The following DPYSL3 variants were observed in gnomAD, a reference collection of about 807,000 sequenced individuals.
DPYSL3 encodes dihydropyrimidinase-related protein 3.
In DPYSL3, 16 loss-of-function variants were observed where a neutral mutation model predicts 66.1. That is an observed-to-expected ratio of 0.24 (90% CI 0.16 to 0.37). The LOEUF (loss-of-function observed/expected upper bound fraction) is 0.37. DPYSL3 is among the 10% of genes least tolerant of loss of function. The probability of loss-of-function intolerance (pLI) is 1.00; values close to 1 mark genes in which losing one functional copy is unlikely to be tolerated. For synonymous variants in DPYSL3, 338 were observed against 345.1 expected, an observed-to-expected ratio of 0.98 and a Z score of 0.23; for missense variants, 738 against 916.2, an observed-to-expected ratio of 0.81 and a Z score of 2.51.
chr5:147,489,027 A>AT (rs1294970898), intron 1 of DPYSL3, among the ~76,000 whole-genome samples: 4 of 151,592 alleles, frequency 2.6e-5, no homozygotes, highest in Non-Finnish European at 5.9e-5. Context: ...AAAAAAAAAA[A>AT]GAAAAAGAAA....
chr5:147,480,712 T>C, intron 1 of DPYSL3, among the ~76,000 whole-genome samples: 1 of 145,942 alleles, frequency 6.9e-6, no homozygotes, highest in Admixed American at 6.9e-5. Context: ...TATATTATTA[T>C]TATTATTATT....
At chr5:147,448,111 T>C (rs1178765266) in intron 1 of DPYSL3, among the ~76,000 whole-genome samples, 2 of 152,136 alleles carry the variant, frequency 1.3e-5, no homozygotes, top group Non-Finnish European at 2.9e-5. Context: ...TTGTTGTTCT[T>C]TTCAAATTTA....
intron 8 of DPYSL3, among the ~76,000 whole-genome samples, chr5:147,402,521 G>A (rs1323675856): frequency 2.7e-5 from 4 of 147,808 alleles, no homozygotes; most frequent in Admixed American, 2.6e-4. Flanking sequence ...CTAATTTTTT[G>A]TATTTTTAGT....
chr5:147,391,993 T>G lies in DPYSL3; in HGVS notation c.*2042A>C, dbSNP rs1311909053. 1 of 152,074 alleles carries G rather than the reference T, an allele frequency of 6.6e-6. No individual in the cohort carries two copies. Among genetic ancestry groups the G allele is most frequent in the Non-Finnish European group, 1.5e-5 (1 of 68,032 alleles). 9.4% of individuals were successfully genotyped at this position (152,074 alleles called of 1,614,324 possible). On this transcript the variant is annotated 3_prime_UTR_variant, in exon 14 of 14. Coordinates refer to ENST00000343218, the MANE Select transcript of DPYSL3 (RefSeq NM_001197294.2). ...GGCTGAGTAACAGCAGAGCAGAGAG[T>G]GCAGAAGTGGACGCTCAGAAGCGAG...
chr5:147,470,423 C>T (rs1264024472), intron 1 of DPYSL3, among the ~76,000 whole-genome samples: 1 of 152,136 alleles, frequency 6.6e-6, no homozygotes, highest in African/African-American at 2.4e-5. Flanking sequence ...ACCCGGGTCT[C>T]AGTGCTTGGT....
chr5:147,422,264 T>C (rs973651816), intron 2 of DPYSL3, among the ~76,000 whole-genome samples: 1 of 152,224 alleles, frequency 6.6e-6, no homozygotes, highest in South Asian at 2.1e-4. Flanking sequence ...TCATCATTAC[T>C]GGTCACTAGA....
At chr5:147,401,748 TGG>T (rs1218846241) in intron 8 of DPYSL3, 52 bp from the exon 9 acceptor site, 1 of 1,603,618 alleles carries the variant, frequency 6.2e-7, no homozygotes, top group Non-Finnish European at 8.5e-7. Context: ...TATGCTGCAC[TGG>T]GCCAAGCCTA....
chr5:147,469,225 C>G (rs1166905089), intron 1 of DPYSL3, among the ~76,000 whole-genome samples: 1 of 152,230 alleles, frequency 6.6e-6, no homozygotes, highest in Admixed American at 6.5e-5. Flanking sequence ...AGGGCAATAT[C>G]AATACACCTC....
rs548454587 is a variant in DPYSL3, at chr5:147,391,482, T to G, written c.*2553A>C. On this transcript the variant is annotated 3_prime_UTR_variant, in exon 14 of 14. Coordinates refer to ENST00000343218, the MANE Select transcript of DPYSL3 (RefSeq NM_001197294.2). ...GGAGGTTGGGGGGATGGCAGGGGCATCCTCAGGGTTGGGGGGCAGGCCAAG... is the reference window on the plus strand; with the variant it reads ...GGAGGTTGGGGGGATGGCAGGGGCAGCCTCAGGGTTGGGGGGCAGGCCAAG... The G allele has an allele frequency of 2.0e-5, 3 of 152,514 alleles. No homozygotes were observed. The Admixed American group carries it at 2.0e-4, about 10-fold the overall frequency. 9.4% of individuals were successfully genotyped at this position (152,514 alleles called of 1,614,324 possible).
At chr5:147,472,808 G>C (rs1295415129) in intron 1 of DPYSL3, 2 of 152,018 alleles carry the variant, frequency 1.3e-5, no homozygotes, top group East Asian at 3.8e-4. Flanking sequence ...GCTTACTGGT[G>C]TTTATAACAC....
intron 1 of DPYSL3, among the ~76,000 whole-genome samples, chr5:147,452,438 T>TACACACACACACACAC: frequency 7.0e-6 from 1 of 142,138 alleles, no homozygotes; most frequent in African/African-American, 2.6e-5. Flanking sequence ...ATTCCCCCAC[T>TACACACACACACACAC]ACACACACAC....
intron 10 of DPYSL3, among the ~76,000 whole-genome samples, chr5:147,399,616 G>A (rs999037141): frequency 6.6e-6 from 1 of 152,162 alleles, no homozygotes; most frequent in African/African-American, 2.4e-5. Context: ...ATGTATTTGT[G>A]TTTGCATATG....
Position 147,401,657 on chromosome 5 carries a change from C to T in DPYSL3, c.1193G>A (p.Gly398Asp). The T allele has an allele frequency of 6.2e-7, 1 of 1,614,108 alleles. No individual in the cohort carries two copies. The highest frequency in any genetic ancestry group is 8.5e-7 in the Non-Finnish European group (1 of 1,180,020). The change falls in exon 9 of 14, where the codon GGC (glycine) becomes GAC (aspartate). Residue 398 changes from glycine (G) to aspartate (D), a missense_variant. Physicochemically the swap from Gly to Asp is moderately conservative, Grantham distance 94. Transcript: ENST00000343218. ...GCTCCAATAATGGGTTCCATCTATG[C>T]CGAGGCTGGCAGTGATGGGCTCACC... ...VFGEPITASL[G>D]IDGTHYWSKN...
chr5:147,507,792 G>A (rs1380104587), intron 1 of DPYSL3, among the ~76,000 whole-genome samples: 2 of 152,086 alleles, frequency 1.3e-5, no homozygotes, highest in South Asian at 2.1e-4. Context: ...GGAGGAAAAC[G>A]GGAGAATTGC....
intron 1 of DPYSL3, among the ~76,000 whole-genome samples, chr5:147,432,634 G>A (rs1370037680): frequency 3.3e-5 from 5 of 152,186 alleles, no homozygotes; most frequent in African/African-American, 1.2e-4. Flanking sequence ...CACTGGACAA[G>A]AGGAGCCCTA....
intron 1 of DPYSL3, among the ~76,000 whole-genome samples, chr5:147,485,573 G>A (rs1410358572): frequency 1.3e-5 from 2 of 152,090 alleles, no homozygotes; most frequent in Admixed American, 6.6e-5. Flanking sequence ...ATAATCTCCA[G>A]TCTCTCCCTT....
chr5:147,421,163 A>T (rs1466264687), intron 2 of DPYSL3, among the ~76,000 whole-genome samples: 1 of 152,226 alleles, frequency 6.6e-6, no homozygotes, highest in Admixed American at 6.5e-5. Flanking sequence ...CAACTTCAGC[A>T]AAGTCTCAGG....
intron 1 of DPYSL3, among the ~76,000 whole-genome samples, chr5:147,483,817 G>C (rs1753287442): frequency 6.6e-6 from 1 of 152,158 alleles, no homozygotes; most frequent in African/African-American, 2.4e-5. Flanking sequence ...GAATAGCTCA[G>C]TTATCATATC....
At chr5:147,402,594 G>A (rs890912432) in intron 8 of DPYSL3, among the ~76,000 whole-genome samples, 3 of 135,450 alleles carry the variant, frequency 2.2e-5, no homozygotes, top group East Asian at 1.9e-4. Context: ...TGATCCGCCC[G>A]CCTCGGCCTC....
Sources: gnomAD v4.1 joint callset for allele counts (sites outside exome capture counted in the v4.1 genomes callset) on GRCh38, gnomAD v4.1.1 for gene constraint, MANE v1.5 for transcripts, NCBI Gene and HGNC (gene_info 2026-07-23, HGNC 2026-07-21) for gene names.